Variants in TRIO observed in about 807,000 individuals in gnomAD.
TRIO encodes triple functional domain protein.
A neutral mutation model predicts 351.9 loss-of-function variants in TRIO; 58 were observed. The observed-to-expected ratio is 0.16, with a 90% CI of 0.13 to 0.21. The LOEUF is 0.21. Ranked by LOEUF, TRIO falls within the 10% of genes least tolerant of loss-of-function variation. The pLI is 1.00. For missense variants in TRIO, 3,201 were observed against 4,027.8 expected, an observed-to-expected ratio of 0.79 and a Z score of 5.56; for synonymous variants, 1,758 against 1,595.7, an observed-to-expected ratio of 1.10 and a Z score of -2.42.
At chr5:14,186,314 T>C (rs1041881693) in intron 1 of TRIO, among the ~76,000 whole-genome samples, 1 of 152,208 alleles carries the variant, frequency 6.6e-6, no homozygotes, top group Non-Finnish European at 1.5e-5. Context: ...GATGCATAAC[T>C]GTGAGTCATC....
At chr5:14,147,405 G>A (rs767929143) in intron 1 of TRIO, among the ~76,000 whole-genome samples, 2 of 152,246 alleles carry the variant, frequency 1.3e-5, no homozygotes, top group African/African-American at 2.4e-5. Flanking sequence ...CTCTGTTCTC[G>A]TGGCAATAAA....
At chr5:14,382,997 C>T (rs1261938313) in intron 21 of TRIO, among the ~76,000 whole-genome samples, 2 of 152,092 alleles carry the variant, frequency 1.3e-5, no homozygotes, top group African/African-American at 4.8e-5. Context: ...GTTACCCAGG[C>T]TGGAATGCAG....
chr5:14,316,373 ATGTC>A lies in TRIO; in HGVS notation c.1501-137_1501-134del, dbSNP rs751145901. 5.2e-4 allele frequency: 415 copies of A among 796,104 alleles called. 2 individuals are homozygous for A. Among genetic ancestry groups the A allele is most frequent in the South Asian group, 1.2e-3 (66 of 54,500 alleles). 49.3% of individuals were successfully genotyped at this position (796,104 alleles called of 1,614,324 possible). On this transcript the variant is annotated intron_variant, in intron 8 of 56. Transcript: ENST00000344204. ...GAGTAAAACTGTGGTGTGTGAATGA[ATGTC>A]TGGGCATGTGTGTAATGTGTGTACA...
At chr5:14,350,760 C>T (rs996433947) in intron 11 of TRIO, among the ~76,000 whole-genome samples, 4 of 152,140 alleles carry the variant, frequency 2.6e-5, no homozygotes, top group African/African-American at 9.7e-5. Context: ...TCTGTTCCTC[C>T]CCACCTCCAC....
rs369925992 is a variant in TRIO at position 14,476,188 on chromosome 5, G to A, written c.6084-706G>A. Reference sequence around the variant, plus strand: ...TTATCTTAGAATGAATATGAAATTCGCAGGTATAAAGACCAAGTTTTCAGA... The same window carrying A: ...TTATCTTAGAATGAATATGAAATTCACAGGTATAAAGACCAAGTTTTCAGA... On this transcript the variant is annotated intron_variant, in intron 40 of 56. Transcript: ENST00000344204. 9.2e-5 allele frequency among the ~76,000 whole-genome samples: 14 copies of A among 152,204 alleles called. No individual in the cohort carries two copies. The East Asian group carries it at 2.1e-3, about 23-fold the overall frequency.
intron 21 of TRIO, 107 bp downstream of exon 21, chr5:14,381,359 G>A (rs1314557493): frequency 1.5e-6 from 2 of 1,376,210 alleles, no homozygotes; most frequent in South Asian, 1.6e-5. Context: ...TGACCCAGTG[G>A]GCTGTTCCAC....
Position 14,143,628 on chromosome 5 carries a change from G to A in TRIO, c.-98G>A. 3 of 443,736 alleles carry A rather than the reference G, an allele frequency of 6.8e-6. No homozygotes were observed. The highest frequency in any genetic ancestry group is 8.9e-6 in the Non-Finnish European group (3 of 338,386). 27.5% of individuals were successfully genotyped at this position (443,736 alleles called of 1,614,324 possible). On this transcript the variant is annotated 5_prime_UTR_variant, in exon 1 of 57. Coordinates refer to ENST00000344204, the MANE Select transcript of TRIO (RefSeq NM_007118.4). ...GTCCGCGCGCCGGGCGCGGGCAGCT[G>A]GGTGCTCGGCGCCGCCAGGCCCGGC...
At chr5:14,233,765 TG>T (rs1793610366) in intron 1 of TRIO, among the ~76,000 whole-genome samples, 1 of 150,978 alleles carries the variant, frequency 6.6e-6, no homozygotes, top group Non-Finnish European at 1.5e-5. Flanking sequence ...TTTTTTGTTT[TG>T]TTTTGGTTTT....
Position 14,297,060 on chromosome 5 carries a change from C to T in TRIO, c.1177-12C>T, listed in dbSNP as rs1581557858. ...TCCCCTAAGGAGCCCTCTTTTCCTG[C>T]CCACTTTCCAGAACGTGTATGTAAA... On this transcript the variant is annotated splice_polypyrimidine_tract_variant and intron_variant, in intron 6 of 56. Transcript: ENST00000344204. 2 of 1,602,426 alleles carry T rather than the reference C, an allele frequency of 1.2e-6. No individual in the cohort carries two copies. The highest frequency in any genetic ancestry group is 1.7e-6 in the Non-Finnish European group (2 of 1,170,916).
chr5:14,480,047 G>C, intron 43 of TRIO, 36 bp downstream of exon 43: 1 of 1,597,768 alleles, frequency 6.3e-7, no homozygotes, highest in Non-Finnish European at 8.6e-7. Flanking sequence ...GGTGTCAGGA[G>C]TGAGTTTGCT....
intron 10 of TRIO, among the ~76,000 whole-genome samples, chr5:14,331,103 G>A (rs183612346): frequency 1.3e-5 from 2 of 152,362 alleles, no homozygotes; most frequent in Admixed American, 1.3e-4. Context: ...TCTAAAATAC[G>A]ATGTTCTTGG....
intron 6 of TRIO, among the ~76,000 whole-genome samples, chr5:14,294,721 C>T (rs941147914): frequency 2.0e-5 from 3 of 152,118 alleles, no homozygotes; most frequent in Non-Finnish European, 2.9e-5. Context: ...TTAACCTCTT[C>T]GAGCCTCAGT....
At chr5:14,276,480 GT>G (rs1250993002) in intron 2 of TRIO, among the ~76,000 whole-genome samples, 1 of 152,266 alleles carries the variant, frequency 6.6e-6, no homozygotes, top group African/African-American at 2.4e-5. Flanking sequence ...TTTTAACAGA[GT>G]TGTATTATTT....
chr5:14,277,329 GGTTT>G (rs1208778835), intron 2 of TRIO, among the ~76,000 whole-genome samples: 2 of 152,238 alleles, frequency 1.3e-5, no homozygotes, highest in East Asian at 3.9e-4. Context: ...AACAAAAACT[GGTTT>G]GTTTTTGTTT....
At chr5:14,207,016 CTT>C (rs1055233976) in intron 1 of TRIO, among the ~76,000 whole-genome samples, 15 of 152,088 alleles carry the variant, frequency 9.9e-5, no homozygotes, top group African/African-American at 3.1e-4. Flanking sequence ...AGGAGAGAAT[CTT>C]TGTGATCTTG....
At position 14,487,465 on chromosome 5, in the gene TRIO, C is replaced by T. The variant is rs139501749; in HGVS notation, c.6837C>T (p.Ala2279=). 1.1e-5 allele frequency: 12 copies of T among 1,094,178 alleles called. No homozygotes were observed. In the Admixed American group the frequency reaches 1.2e-4, roughly 11 times the overall value. 67.8% of individuals were successfully genotyped at this position (1,094,178 alleles called of 1,614,324 possible). ...ILENQRNFLN[A]LTSPIEYQRN... ...CTCTCCCGCTGTCTTGTCTTACAGC[C>T]TTGACATCGCCAATCGAGTACCAGA... The change falls in exon 48 of 57, where the codon GCC becomes GCT. Residue 2279 remains alanine (A), a splice_region_variant and synonymous_variant. Coordinates refer to ENST00000344204, the MANE Select transcript of TRIO (RefSeq NM_007118.4).
intron 1 of TRIO, among the ~76,000 whole-genome samples, chr5:14,232,991 AT>A (rs1220793937): frequency 1.3e-5 from 2 of 152,142 alleles, no homozygotes; most frequent in African/African-American, 4.8e-5. Flanking sequence ...ACTGCAGTTG[AT>A]CAAAGCATGG....
intron 34 of TRIO, among the ~76,000 whole-genome samples, chr5:14,459,599 G>T (rs1011049825): frequency 2.0e-5 from 3 of 152,128 alleles, no homozygotes; most frequent in Non-Finnish European, 4.4e-5. Context: ...AATTAGCTGG[G>T]TATGGTGGCA....
At chr5:14,472,036 T>C (rs1754730829) in intron 38 of TRIO, among the ~76,000 whole-genome samples, 1 of 152,200 alleles carries the variant, frequency 6.6e-6, no homozygotes, top group South Asian at 2.1e-4. Context: ...GTTGGTTGAA[T>C]GAATGACTGA....
Sources: allele counts gnomAD v4.1 joint callset (sites outside exome capture counted in the v4.1 genomes callset), GRCh38; gene constraint gnomAD v4.1.1; transcripts MANE v1.5; gene names NCBI Gene and HGNC (gene_info 2026-07-23, HGNC 2026-07-21).